The following DPYD variants were observed in gnomAD, a reference collection of about 807,000 sequenced individuals.
DPYD encodes the protein dihydropyrimidine dehydrogenase [NADP(+)].
DPYD carries 109 observed loss-of-function variants against 116.2 expected under a neutral mutation model. The ratio of observed to expected loss-of-function variants is 0.94; its 90% CI spans 0.80 to 1.10. DPYD has a LOEUF of 1.10. Ranked by LOEUF, DPYD falls within the 50% of genes least tolerant of loss-of-function variation. DPYD has a pLI of 0.00. For synonymous variants in DPYD, 440 were observed against 432.0 expected (o/e 1.02, Z -0.23); for missense variants, 1,302 against 1,254.5 (o/e 1.04, Z -0.57).
At chr1:97,217,879 C>T (rs953966984) in intron 19 of DPYD, among the ~76,000 whole-genome samples, 2 of 152,178 alleles carry the variant, frequency 1.3e-5, no homozygotes, top group African/African-American at 4.8e-5. Context: ...AGGACTGAGA[C>T]TCTGAATTGT....
At chr1:97,919,791 C>A (rs866397298) in intron 1 of DPYD, among the ~76,000 whole-genome samples, 14 of 152,268 alleles carry the variant, frequency 9.2e-5, no homozygotes, top group Middle Eastern at 3.4e-3. Flanking sequence ...ACATAATACA[C>A]TTTGGCTCTT....
At chr1:97,623,473 A>G (rs1020262283) in intron 8 of DPYD, among the ~76,000 whole-genome samples, 5 of 152,108 alleles carry the variant, frequency 3.3e-5, no homozygotes, top group African/African-American at 1.2e-4. Context: ...CCAAGGCCTC[A>G]GGGAGTCAGG....
At chr1:97,247,033 G>T (rs1662767220) in intron 18 of DPYD, among the ~76,000 whole-genome samples, 1 of 151,922 alleles carries the variant, frequency 6.6e-6, no homozygotes. Context: ...AGTAATATTA[G>T]GATTTTTATC....
intron 20 of DPYD, among the ~76,000 whole-genome samples, chr1:97,189,957 A>C (rs1442630308): frequency 6.6e-6 from 1 of 152,154 alleles, no homozygotes; most frequent in African/African-American, 2.4e-5. Context: ...TGGTTTCAGT[A>C]TGTTTTGGAT....
At chr1:97,143,116 G>A (rs1654350336) in intron 20 of DPYD, among the ~76,000 whole-genome samples, 1 of 151,824 alleles carries the variant, frequency 6.6e-6, no homozygotes, top group African/African-American at 2.4e-5. Context: ...TTTAGATATA[G>A]CAAGGTTTCT....
chr1:97,672,808 C>T (rs1179975396), intron 8 of DPYD, among the ~76,000 whole-genome samples: 1 of 151,998 alleles, frequency 6.6e-6, no homozygotes, highest in African/African-American at 2.4e-5. Flanking sequence ...CTAAAGGCCA[C>T]TCTGTAGCAA....
At position 97,564,894 on chromosome 1, in the gene DPYD, C is replaced by G. The variant is rs74884427; in HGVS notation, c.1339+8866G>C. Among the ~76,000 whole-genome samples the G allele has an allele frequency of 3.1e-3, 474 of 152,266 alleles. 4 individuals carry two copies. The highest frequency in any genetic ancestry group is 0.011 in the African/African-American group (455 of 41,544). ...AAATTACTGACACTGTAGTTCCACA[C>G]TCCTGATGTTGCCTTCCATGTAAAG... On this transcript the variant is annotated intron_variant, in intron 11 of 22. Transcript: ENST00000370192.
At chr1:97,217,635 CAAAA>C (rs775186309) in intron 19 of DPYD, among the ~76,000 whole-genome samples, 1 of 131,316 alleles carries the variant, frequency 7.6e-6, no homozygotes, top group Non-Finnish European at 1.7e-5. Context: ...TTATCTGTAC[CAAAA>C]AAAAAAAAAA....
At chr1:97,408,603 G>A (rs1481037203) in intron 14 of DPYD, among the ~76,000 whole-genome samples, 2 of 152,222 alleles carry the variant, frequency 1.3e-5, no homozygotes, top group South Asian at 2.1e-4. Flanking sequence ...GACAAGGGGT[G>A]GACTTGTGAT....
intron 16 of DPYD, among the ~76,000 whole-genome samples, chr1:97,309,331 TTGTGTGTGTGTGTG>T (rs59669909): frequency 1.4e-5 from 2 of 147,558 alleles, no homozygotes; most frequent in African/African-American, 2.5e-5. Context: ...GTTGCTTGTC[TTGTGTGTGTGTGTG>T]TGTGTGTGTG....
At chr1:97,904,086 T>C (rs772831936) in intron 1 of DPYD, among the ~76,000 whole-genome samples, 1 of 151,860 alleles carries the variant, frequency 6.6e-6, no homozygotes, top group Non-Finnish European at 1.5e-5. Flanking sequence ...GGGCTACACA[T>C]CAGGATGTCC....
intron 12 of DPYD, among the ~76,000 whole-genome samples, chr1:97,516,915 C>T (rs1278046586): frequency 6.6e-6 from 1 of 152,028 alleles, no homozygotes; most frequent in East Asian, 1.9e-4. Flanking sequence ...AAAGCAGTTA[C>T]TGAATGGACA....
Position 97,354,632 on chromosome 1 carries a change from G to C in DPYD, c.2058+18929C>G, listed in dbSNP as rs1309562827. 2.0e-5 allele frequency among the ~76,000 whole-genome samples: 3 copies of C among 152,274 alleles called. No homozygotes were observed. In the East Asian group the frequency reaches 5.8e-4, roughly 29 times the overall value. ...AAAAAATCAGAACAAGTTATGGAGA[G>C]TGGTCACAGAAGGAAGAAAATTAAT... On this transcript the variant is annotated intron_variant, in intron 16 of 22. Coordinates refer to ENST00000370192, the MANE Select transcript of DPYD (RefSeq NM_000110.4).
chr1:97,400,863 T>C (rs11165860), intron 14 of DPYD, among the ~76,000 whole-genome samples: 77,120 of 151,894 alleles, frequency 0.51, 19,764 homozygotes, highest in South Asian at 0.68. Flanking sequence ...GTCTTGCTAG[T>C]GCTCTATCAA....
intron 19 of DPYD, among the ~76,000 whole-genome samples, chr1:97,201,549 C>A (rs1036488613): frequency 1.3e-5 from 2 of 151,954 alleles, no homozygotes; most frequent in African/African-American, 4.8e-5. Flanking sequence ...AATAAAACAC[C>A]AAAATTATAA....
At chr1:97,605,386 T>A (rs1655524072) in intron 8 of DPYD, among the ~76,000 whole-genome samples, 1 of 152,040 alleles carries the variant, frequency 6.6e-6, no homozygotes, top group Non-Finnish European at 1.5e-5. Context: ...GCTGTTCTCA[T>A]GATAGTGAGT....
intron 8 of DPYD, among the ~76,000 whole-genome samples, chr1:97,608,493 T>C (rs547391623): frequency 3.3e-5 from 5 of 151,798 alleles, no homozygotes; most frequent in Admixed American, 2.0e-4. Context: ...TCCTAGACAG[T>C]AGAAATATAT....
At chr1:97,545,721 C>A in intron 12 of DPYD, 1 of 1,192,994 alleles carries the variant, frequency 8.4e-7, no homozygotes, top group Non-Finnish European at 1.2e-6. Context: ...TAGTAATGGC[C>A]CCGAACCGTG....
intron 13 of DPYD, among the ~76,000 whole-genome samples, chr1:97,464,388 C>A (rs1310157196): frequency 6.6e-6 from 1 of 152,084 alleles, no homozygotes; most frequent in Admixed American, 6.5e-5. Flanking sequence ...TAACGAGGAG[C>A]CAAATGCTAA....
Sources: allele counts gnomAD v4.1 joint callset (sites outside exome capture counted in the v4.1 genomes callset), GRCh38; gene constraint gnomAD v4.1.1; transcripts MANE v1.5; gene names NCBI Gene and HGNC (gene_info 2026-07-23, HGNC 2026-07-21).